The following ANKRD44 variants were observed in gnomAD, a reference collection of about 807,000 sequenced individuals.
The protein encoded by ANKRD44 is serine/threonine-protein phosphatase 6 regulatory ankyrin repeat subunit B.
ANKRD44 carries 35 observed loss-of-function variants against 116.0 expected under a neutral mutation model. The observed-to-expected ratio is 0.30, with a 90% CI of 0.23 to 0.40. The LOEUF is 0.40. ANKRD44 is among the 10% of genes least tolerant of loss of function. The pLI is 1.00. For missense variants in ANKRD44, 1,014 were observed against 1,242.6 expected (o/e 0.82, Z 2.77); for synonymous variants, 435 against 461.8 (o/e 0.94, Z 0.74).
chr2:197,081,829 A>G (rs1312796300), intron 14 of ANKRD44, 104 bp from the exon 15 acceptor site: 4 of 882,930 alleles, frequency 4.5e-6, no homozygotes, highest in East Asian at 4.9e-5. Context: ...TTTTACCCCA[A>G]CCCAAAAGAA....
intron 8 of ANKRD44, among the ~76,000 whole-genome samples, chr2:197,119,548 G>A (rs1179113620): frequency 6.6e-6 from 1 of 152,126 alleles, no homozygotes; most frequent in Non-Finnish European, 1.5e-5. Flanking sequence ...CACTTGGCAT[G>A]TTCATAAAAT....
chr2:197,118,637 G>GAGAGAGAGAGAAAGAAAGAAAGAA (rs773839262), intron 8 of ANKRD44, among the ~76,000 whole-genome samples: 1 of 112,442 alleles, frequency 8.9e-6, no homozygotes, highest in African/African-American at 3.3e-5. Context: ...GAGAGAGAGA[G>GAGAGAGAGAGAAAGAAAGAAAGAA]AGAAAGAAAG....
At chr2:197,056,267 C>G (rs912270814) in intron 16 of ANKRD44, among the ~76,000 whole-genome samples, 1 of 151,774 alleles carries the variant, frequency 6.6e-6, no homozygotes, top group Non-Finnish European at 1.5e-5. Context: ...TTAAAATCAG[C>G]TTTTCAATTT....
intron 2 of ANKRD44, among the ~76,000 whole-genome samples, chr2:197,159,255 G>A (rs556403867): frequency 4.6e-5 from 7 of 152,192 alleles, no homozygotes; most frequent in South Asian, 2.1e-4. Context: ...ACCTCCAGGT[G>A]GATATTTTAG....
At chr2:196,999,093 C>A in intron 23 of ANKRD44, 41 bp from the exon 24 acceptor site, 1 of 1,604,872 alleles carries the variant, frequency 6.2e-7, no homozygotes, top group Non-Finnish European at 8.5e-7. Flanking sequence ...TTCCTTTAAA[C>A]TTTATTCTCG....
intron 16 of ANKRD44, among the ~76,000 whole-genome samples, chr2:197,061,531 C>T (rs768961079): frequency 7.2e-5 from 11 of 152,168 alleles, no homozygotes; most frequent in Non-Finnish European, 1.0e-4. Flanking sequence ...TAGTGGGTGT[C>T]CTGTGTTCAC....
In ANKRD44 at chr2:197,246,494, C is replaced by T. The variant is rs575982995; in HGVS notation, c.28-59388G>A. Among the ~76,000 whole-genome samples, 285 of 151,448 alleles carry T rather than the reference C, an allele frequency of 1.9e-3. 1 individual carries two copies. Among genetic ancestry groups the T allele is most frequent in the African/African-American group, 6.7e-3 (278 of 41,318 alleles). ...CAGGCATGAGCCACCTCACCCAGCC[C>T]CATAACCCCTGGATTCTTAAATCAT... On this transcript the variant is annotated intron_variant, in intron 1 of 27. Transcript: ENST00000282272.
At chr2:197,051,899 C>CA (rs2077115101) in intron 16 of ANKRD44, among the ~76,000 whole-genome samples, 1 of 152,124 alleles carries the variant, frequency 6.6e-6, no homozygotes, top group African/African-American at 2.4e-5. Context: ...CCCCCCACAA[C>CA]AAAGAATTAT....
rs2081339812 is a variant in ANKRD44, at chr2:197,212,071, C to CAA, written c.28-24966_28-24965insTT. On this transcript the variant is annotated intron_variant, in intron 1 of 27. Transcript: ENST00000282272. The surrounding 1 kb of genome is among the most constrained non-coding windows in gnomAD (Gnocchi z 4.8). ...TCTCTCTCACACACACACACACACA[C>CAA]ACACCCCACAGCACCACTTTGGGGG... 6.6e-6 allele frequency among the ~76,000 whole-genome samples: 1 copy of CAA among 151,452 alleles called. No individual in the cohort carries two copies. Among genetic ancestry groups the CAA allele is most frequent in the Admixed American group, 6.6e-5 (1 of 15,184 alleles).
intron 14 of ANKRD44, among the ~76,000 whole-genome samples, chr2:197,083,154 A>G (rs992226953): frequency 6.6e-6 from 1 of 152,240 alleles, no homozygotes; most frequent in Admixed American, 6.5e-5. Context: ...TTGGGATTCA[A>G]CCCAAAGAAC....
rs1472216073 is a variant in ANKRD44, at chr2:197,108,986, T to C, written c.985+1780A>G. Reference sequence around the variant, plus strand: ...AGCTGCCAGCAGTCCCCTGGGACTGTTGTAAGCATGCCAGCAGGACAGAGA... The same window carrying C: ...AGCTGCCAGCAGTCCCCTGGGACTGCTGTAAGCATGCCAGCAGGACAGAGA... On this transcript the variant is annotated intron_variant, in intron 9 of 27. Transcript: ENST00000282272. Among the ~76,000 whole-genome samples the C allele has an allele frequency of 2.6e-5, 4 of 152,136 alleles. No homozygotes were observed. The South Asian group carries it at 6.2e-4, about 24-fold the overall frequency.
intron 1 of ANKRD44, among the ~76,000 whole-genome samples, chr2:197,296,826 A>C (rs1019680983): frequency 6.6e-6 from 1 of 152,204 alleles, no homozygotes; most frequent in East Asian, 1.9e-4. Context: ...AATTAAAGTA[A>C]CTTTTTACAA....
chr2:197,006,354 A>T (rs2076202471), intron 20 of ANKRD44, among the ~76,000 whole-genome samples: 1 of 152,184 alleles, frequency 6.6e-6, no homozygotes, highest in Admixed American at 6.5e-5. Flanking sequence ...CTGAGGCAGG[A>T]GAATGGCGTG....
Position 196,987,338 on chromosome 2 carries a change from C to G in ANKRD44, c.*2253G>C. ...AAAGAAAAGTTGAAATGAAAACTCACTGGTATCATATTGCTCTGATAACAC... is the reference window on the plus strand; with the variant it reads ...AAAGAAAAGTTGAAATGAAAACTCAGTGGTATCATATTGCTCTGATAACAC... On this transcript the variant is annotated 3_prime_UTR_variant, in exon 28 of 28. Transcript: ENST00000282272. The G allele has an allele frequency of 1.0e-6, 1 of 985,154 alleles. No individual in the cohort carries two copies. Among genetic ancestry groups the G allele is most frequent in the Non-Finnish European group, 1.2e-6 (1 of 829,698 alleles). The allele number at this position is 985,154 out of a possible 1,614,324, so 61.0% of individuals were successfully genotyped here.
At chr2:197,116,110 C>T (rs976499088) in intron 8 of ANKRD44, among the ~76,000 whole-genome samples, 2 of 152,132 alleles carry the variant, frequency 1.3e-5, no homozygotes, top group African/African-American at 4.8e-5. Flanking sequence ...GCTGCAAAAA[C>T]CAATGTATCA....
At chr2:197,122,555 G>A in intron 7 of ANKRD44, 95 bp downstream of exon 7, 2 of 1,463,276 alleles carry the variant, frequency 1.4e-6, no homozygotes, top group Non-Finnish European at 1.8e-6. Context: ...CAATTCCCCT[G>A]CCCTTGAATT....
chr2:197,081,859 A>T (rs2077806112), intron 14 of ANKRD44, 134 bp from the exon 15 acceptor site: 1 of 664,672 alleles, frequency 1.5e-6, no homozygotes, highest in African/African-American at 1.8e-5. Context: ...ACTGATTTTC[A>T]TTGAAGATAT....
At chr2:197,265,218 A>AC (rs1391998858) in intron 1 of ANKRD44, among the ~76,000 whole-genome samples, 2 of 150,984 alleles carry the variant, frequency 1.3e-5, no homozygotes, top group Admixed American at 1.3e-4. Flanking sequence ...TCCTTAAGTA[A>AC]CAGCACTTTT....
Position 196,987,457 on chromosome 2 carries a change from G to A in ANKRD44, c.*2134C>T, listed in dbSNP as rs568020962. 1.7e-5 allele frequency: 17 copies of A among 985,188 alleles called. No individual in the cohort carries two copies. The South Asian group carries it at 6.1e-4, about 35-fold the overall frequency. 61.0% of individuals were successfully genotyped at this position (985,188 alleles called of 1,614,324 possible). A position where few individuals can be genotyped will look rare whatever the true frequency, so the allele number is the denominator to read the frequency against. On this transcript the variant is annotated 3_prime_UTR_variant, in exon 28 of 28. Transcript: ENST00000282272. ...ACTTCATATTACAAGACAATAAAAC[G>A]GATGAGTTCTTCAACCAACACAACA...
Sources: gnomAD v4.1 joint callset for allele counts (sites outside exome capture counted in the v4.1 genomes callset) on GRCh38, gnomAD v4.1.1 for gene constraint, Gnocchi (gnomAD v3.1) non-coding constraint, MANE v1.5 for transcripts, NCBI Gene and HGNC (gene_info 2026-07-23, HGNC 2026-07-21) for gene names.